Variants in CACNA1E observed in about 807,000 individuals in gnomAD.
CACNA1E encodes calcium voltage-gated channel subunit alpha1 E.
CACNA1E carries 40 observed loss-of-function variants against 259.2 expected under a neutral mutation model. That is an observed-to-expected ratio of 0.15 (90% CI 0.12 to 0.20). The LOEUF (loss-of-function observed/expected upper bound fraction) is 0.20, where lower values mean the gene tolerates loss of function less well. Ranked by LOEUF, CACNA1E falls within the 10% of genes least tolerant of loss-of-function variation. The pLI is 1.00. For synonymous variants in CACNA1E, 1,104 were observed against 1,138.5 expected, an observed-to-expected ratio of 0.97 and a Z score of 0.61; for missense variants, 1,874 against 3,040.1, an observed-to-expected ratio of 0.62 and a Z score of 9.02.
chr1:181,661,509 A>T (rs996829185), intron 7 of CACNA1E, among the ~76,000 whole-genome samples: 1 of 152,066 alleles, frequency 6.6e-6, no homozygotes, highest in East Asian at 1.9e-4. Context: ...CTGAATTGAG[A>T]CTGTAGGTGG....
At chr1:181,388,082 G>A (rs951159076) in intron 1 of CACNA1E, among the ~76,000 whole-genome samples, 2 of 152,138 alleles carry the variant, frequency 1.3e-5, no homozygotes, top group African/African-American at 4.8e-5. Flanking sequence ...GGTCACCTTG[G>A]CCGATAGACA....
intron 3 of CACNA1E, among the ~76,000 whole-genome samples, chr1:181,548,816 C>T (rs534950386): frequency 3.0e-4 from 45 of 152,336 alleles, no homozygotes; most frequent in Non-Finnish European, 3.7e-4. Flanking sequence ...TGATAAATGA[C>T]TTTCGTCTTA....
intron 19 of CACNA1E, among the ~76,000 whole-genome samples, chr1:181,731,563 T>C (rs544918213): frequency 1.8e-4 from 27 of 152,264 alleles, no homozygotes; most frequent in African/African-American, 6.5e-4. Flanking sequence ...CGAGGATGCG[T>C]GTGGGTACAT....
Position 181,758,985 on chromosome 1 carries a change from G to A in CACNA1E, c.4605+117G>A, listed in dbSNP as rs1257012679. 1 of 648,316 alleles carries A rather than the reference G, an allele frequency of 1.5e-6. No homozygotes were observed. The highest frequency in any genetic ancestry group is 2.8e-6 in the Non-Finnish European group (1 of 362,236). The allele number at this position is 648,316 out of a possible 1,614,324, so 40.2% of individuals were successfully genotyped here. ...TCCAGAAATCACCCACCTAGATGTG[G>A]GCTCGTTTTGACTGCTCAGTAAACT... On this transcript the variant is annotated intron_variant, in intron 32 of 47. Coordinates refer to ENST00000367573, the MANE Select transcript of CACNA1E (RefSeq NM_001205293.3). The surrounding 1 kb of genome is among the most constrained non-coding windows in gnomAD (Gnocchi z 4.2).
intron 44 of CACNA1E, 30 bp from the exon 45 acceptor site, chr1:181,793,635 C>T (rs1216083385): frequency 1.9e-6 from 3 of 1,601,900 alleles, no homozygotes; most frequent in Middle Eastern, 1.8e-4. Flanking sequence ...GAACCAAGTC[C>T]CACAAGCTTG....
Position 181,717,154 on chromosome 1 carries a change from G to T in CACNA1E, c.1377G>T (p.Arg459=), listed in dbSNP as rs1392953334. 17 of 1,614,010 alleles carry T rather than the reference G, an allele frequency of 1.1e-5. No homozygotes were observed. The highest frequency in any genetic ancestry group is 1.4e-5 in the Non-Finnish European group (17 of 1,179,896). The change falls in exon 11 of 48, where the codon CGG becomes CGT. Residue 459 remains arginine (R), a synonymous_variant. Transcript: ENST00000367573. The stretch of plus-strand genomic sequence containing the variant: ...AGGTAGACGGGGTCTCTTATTTCCG[G>T]CACAAGGAAAGGCTTCTGCGCATCT... ...SAKVDGVSYF[R]HKERLLRISI...
At chr1:181,704,810 G>A (rs1440625373) in intron 7 of CACNA1E, among the ~76,000 whole-genome samples, 1 of 152,122 alleles carries the variant, frequency 6.6e-6, no homozygotes. Context: ...CGGGAGGAGA[G>A]GTCTGGAGCG....
rs1057419158 is a variant in CACNA1E at position 181,716,079 on chromosome 1, C to A, written c.1265C>A (p.Ala422Asp). 10 of 1,574,102 alleles carry A rather than the reference C, an allele frequency of 6.4e-6. No homozygotes were observed. Among genetic ancestry groups the A allele is most frequent in the African/African-American group, 1.4e-5 (1 of 74,014 alleles). Reference sequence around the variant, plus strand: ...ACCATCAAGAGGAGCCGGACAGAGGCCATGACTCGAGACTCCAGTGATGAG... The same window carrying A: ...ACCATCAAGAGGAGCCGGACAGAGGACATGACTCGAGACTCCAGTGATGAG... ...RATIKRSRTEAMTRDSSDEHC... is the reference protein window; with the variant it reads ...RATIKRSRTEDMTRDSSDEHC... The change falls in exon 10 of 48, where the codon GCC (alanine) becomes GAC (aspartate). Residue 422 changes from alanine (A) to aspartate (D), a missense_variant. Ala to Asp is a moderately radical substitution (Grantham distance 126). Around this residue, in one of 14 missense-constraint regions of CACNA1E, gnomAD observed 157 missense variants for 203.5 expected, o/e 0.77. Coordinates refer to ENST00000367573, the MANE Select transcript of CACNA1E (RefSeq NM_001205293.3).
At chr1:181,511,065 T>C (rs934218934) in intron 2 of CACNA1E, among the ~76,000 whole-genome samples, 16 of 152,214 alleles carry the variant, frequency 1.1e-4, no homozygotes, top group African/African-American at 3.6e-4. Flanking sequence ...TTCTAACTTA[T>C]GTGAAGAGCA....
At chr1:181,482,911 G>T (rs992318897), upstream of CACNA1E, among the ~76,000 whole-genome samples, 1 of 152,266 alleles carries the variant, frequency 6.6e-6, no homozygotes, top group Non-Finnish European at 1.5e-5. Context: ...AGCGCTCCGG[G>T]CGGATGCTGG....
intron 10 of CACNA1E, 108 bp from the exon 11 acceptor site, chr1:181,716,985 A>T: frequency 1.2e-6 from 1 of 825,284 alleles, no homozygotes; most frequent in Non-Finnish European, 2.0e-6. Flanking sequence ...GCAATGTGGC[A>T]GTCACCTTGC....
intron 1 of CACNA1E, among the ~76,000 whole-genome samples, chr1:181,395,093 A>T (rs1213059032): frequency 1.3e-5 from 2 of 152,178 alleles, no homozygotes; most frequent in South Asian, 4.1e-4. Flanking sequence ...AAGGGTGGAA[A>T]TAGGGAGACC....
At chr1:181,664,943 A>G (rs1346057121) in intron 7 of CACNA1E, among the ~76,000 whole-genome samples, 1 of 152,222 alleles carries the variant, frequency 6.6e-6, no homozygotes, top group Non-Finnish European at 1.5e-5. Flanking sequence ...ACTGTTGACA[A>G]TTAGATTGGG....
intron 1 of CACNA1E, among the ~76,000 whole-genome samples, chr1:181,355,396 T>C (rs1030032477): frequency 6.6e-6 from 1 of 152,146 alleles, no homozygotes; most frequent in Non-Finnish European, 1.5e-5. Context: ...AAGACCAGCT[T>C]GACCAACATG....
intron 2 of CACNA1E, among the ~76,000 whole-genome samples, chr1:181,454,277 C>T (rs1030171314): frequency 1.3e-5 from 2 of 152,174 alleles, no homozygotes; most frequent in South Asian, 2.1e-4. Context: ...ATCCCCACCC[C>T]GCTCCCCAGA....
At chr1:181,691,180 G>A (rs1039857689) in intron 7 of CACNA1E, among the ~76,000 whole-genome samples, 8 of 151,130 alleles carry the variant, frequency 5.3e-5, no homozygotes, top group Non-Finnish European at 1.0e-4. Flanking sequence ...TTATTTCTAT[G>A]CACTGCATTA....
chr1:181,386,157 C>A (rs1209803288), intron 1 of CACNA1E, among the ~76,000 whole-genome samples: 1 of 152,178 alleles, frequency 6.6e-6, no homozygotes, highest in East Asian at 1.9e-4. Flanking sequence ...CAGTGAACAA[C>A]TGATAGTGGG....
chr1:181,764,705 A>G (rs1179207144), intron 34 of CACNA1E, among the ~76,000 whole-genome samples: 1 of 152,230 alleles, frequency 6.6e-6, no homozygotes, highest in Non-Finnish European at 1.5e-5. Flanking sequence ...TGGAGGATAA[A>G]TCTAAAACCT....
chr1:181,673,080 A>G (rs1347562114), intron 7 of CACNA1E, among the ~76,000 whole-genome samples: 1 of 152,250 alleles, frequency 6.6e-6, no homozygotes, highest in Non-Finnish European at 1.5e-5. Context: ...GAGGGTTGTC[A>G]GTATGAACTG....
Sources: allele counts gnomAD v4.1 joint callset (sites outside exome capture counted in the v4.1 genomes callset), GRCh38; gene constraint gnomAD v4.1.1; regional missense constraint gnomAD v4.1.1; non-coding constraint Gnocchi (gnomAD v3.1); transcripts MANE v1.5; gene names NCBI Gene and HGNC (gene_info 2026-07-23, HGNC 2026-07-21).